THRB: variants seen among roughly 807,000 people sequenced by gnomAD.
The protein encoded by THRB is nuclear receptor subfamily 1 group A member 2.
Under a neutral mutation model 47.8 loss-of-function variants are expected in THRB, and 12 were observed. The ratio of observed to expected loss-of-function variants is 0.25; its 90% CI spans 0.16 to 0.41. The LOEUF is 0.41. THRB is among the 10% of genes least tolerant of loss of function. The pLI, the probability that THRB is intolerant of heterozygous loss-of-function variation, is 1.00. For missense variants in THRB, 348 were observed against 589.2 expected (o/e 0.59, Z 4.24); for synonymous variants, 218 against 212.2 (o/e 1.03, Z -0.24).
At chr3:24,358,584 T>C (rs1390696903) in intron 1 of THRB, among the ~76,000 whole-genome samples, 2 of 152,166 alleles carry the variant, frequency 1.3e-5, no homozygotes, top group Non-Finnish European at 2.9e-5. Flanking sequence ...TTCTCATAAA[T>C]ATTTACACTA....
At chr3:24,190,025 T>C (rs750976834) in intron 5 of THRB, 49 bp downstream of exon 5, 2 of 1,582,320 alleles carry the variant, frequency 1.3e-6, no homozygotes, top group Middle Eastern at 1.7e-4. Flanking sequence ...CAGGGATATT[T>C]TTTTTCTTGT....
chr3:24,481,248 T>TTTTTTGTTTTTTG (rs1696361252), intron 1 of THRB, among the ~76,000 whole-genome samples: 1 of 147,736 alleles, frequency 6.8e-6, no homozygotes, highest in African/African-American at 2.5e-5. Context: ...TTTTTTTTTT[T>TTTTTTGTTTTTTG]TTTTTTTTTA....
chr3:24,159,840 C>A (rs2038503627), intron 5 of THRB, among the ~76,000 whole-genome samples: 1 of 151,678 alleles, frequency 6.6e-6, no homozygotes, highest in South Asian at 2.1e-4. Flanking sequence ...ACAGGACAAC[C>A]ATCACAACAA....
chr3:24,438,534 T>C (rs1252311383), intron 1 of THRB, among the ~76,000 whole-genome samples: 1 of 151,482 alleles, frequency 6.6e-6, no homozygotes, highest in Non-Finnish European at 1.5e-5. Context: ...TGTGTGTGTG[T>C]GTGCACATGC....
At chr3:24,299,654 T>C (rs914154308) in intron 2 of THRB, among the ~76,000 whole-genome samples, 2 of 151,980 alleles carry the variant, frequency 1.3e-5, no homozygotes, top group African/African-American at 4.8e-5. Flanking sequence ...TCTTTTTTTT[T>C]CCTATTTGTT....
intron 6 of THRB, among the ~76,000 whole-genome samples, chr3:24,149,669 TG>T (rs1374846852): frequency 6.6e-6 from 1 of 151,570 alleles, no homozygotes; most frequent in Non-Finnish European, 1.5e-5. Context: ...TTCTTTTTTT[TG>T]TTTTTTCTTG....
chr3:24,326,494 C>G (rs1005190053), intron 2 of THRB, among the ~76,000 whole-genome samples: 1 of 152,116 alleles, frequency 6.6e-6, no homozygotes, highest in African/African-American at 2.4e-5. Context: ...CCTCGGCCTC[C>G]CAAAGTGCTG....
At chr3:24,373,011 T>C (rs549786847) in intron 1 of THRB, among the ~76,000 whole-genome samples, 2 of 152,112 alleles carry the variant, frequency 1.3e-5, no homozygotes, top group South Asian at 2.1e-4. Context: ...CCTAGCAACA[T>C]AGAAAGAGAT....
At chr3:24,201,197 T>C (rs995077634) in intron 4 of THRB, among the ~76,000 whole-genome samples, 10 of 152,192 alleles carry the variant, frequency 6.6e-5, no homozygotes, top group African/African-American at 2.4e-4. Context: ...ATCTTCCTGT[T>C]ATTTTTCCCC....
chr3:24,233,541 AAG>A (rs1417950839), intron 3 of THRB, among the ~76,000 whole-genome samples: 1 of 112,682 alleles, frequency 8.9e-6, no homozygotes, highest in African/African-American at 3.5e-5. Context: ...AAAAGAAAGA[AAG>A]AGAAAGAAAG....
At chr3:24,456,180 TAA>T (rs1160677740) in intron 1 of THRB, among the ~76,000 whole-genome samples, 1 of 151,768 alleles carries the variant, frequency 6.6e-6, no homozygotes. Flanking sequence ...AAAAATTTTT[TAA>T]AAATTAACTG....
intron 1 of THRB, among the ~76,000 whole-genome samples, chr3:24,376,469 G>C (rs6774046): frequency 0.1 from 15,776 of 152,128 alleles, 874 homozygotes; most frequent in Middle Eastern, 0.17. Context: ...ACATGTATAG[G>C]GGGTTTCTTG....
At chr3:24,457,279 G>A (rs913411578) in intron 1 of THRB, among the ~76,000 whole-genome samples, 4 of 152,086 alleles carry the variant, frequency 2.6e-5, no homozygotes, top group African/African-American at 9.7e-5. Flanking sequence ...TGGCCAGGCT[G>A]GCTAAATTCT....
chr3:24,190,142 T>C lies in THRB; in HGVS notation c.215A>G (p.His72Arg), dbSNP rs759685876. 1.2e-5 allele frequency: 20 copies of C among 1,614,106 alleles called. No homozygotes were observed. The highest frequency in any genetic ancestry group is 1.1e-4 in the South Asian group (10 of 91,080). ...GACACTCTGGTCGTTCACATCATCA[T>C]GGTCCAGATGGAATATTGAGCTAGT... ...TWTSSIFHLD[H>R]DDVNDQSVSS... Residue 72 changes from histidine to arginine, a missense_variant, in exon 5 of 11, where the codon CAT becomes CGT. Coordinates refer to ENST00000646209, the MANE Select transcript of THRB (RefSeq NM_001354712.2).
intron 3 of THRB, among the ~76,000 whole-genome samples, chr3:24,288,406 TG>T (rs1277705334): frequency 6.6e-6 from 1 of 152,244 alleles, no homozygotes; most frequent in Non-Finnish European, 1.5e-5. Context: ...CTGAGAGTTG[TG>T]CTTGGACACA....
intron 1 of THRB, among the ~76,000 whole-genome samples, chr3:24,437,039 T>A (rs1029062580): frequency 2.6e-5 from 4 of 151,130 alleles, no homozygotes; most frequent in Admixed American, 6.6e-5. Context: ...CTGGCACTTT[T>A]CTCCATTATC....
At chr3:24,211,351 A>C (rs1281704181) in intron 4 of THRB, among the ~76,000 whole-genome samples, 1 of 152,206 alleles carries the variant, frequency 6.6e-6, no homozygotes, top group East Asian at 1.9e-4. Context: ...TATTGATCAC[A>C]ATTGCTTTCC....
chr3:24,218,881 T>A (rs892354061), intron 4 of THRB, among the ~76,000 whole-genome samples: 1 of 152,164 alleles, frequency 6.6e-6, no homozygotes, highest in Non-Finnish European at 1.5e-5. Context: ...TCTCATTTAT[T>A]TAAAAAAATT....
chr3:24,123,122 C>T lies in THRB; in HGVS notation c.1148G>A (p.Arg383His), dbSNP rs121918708. Reference sequence around the variant, plus strand: ...TCTCTCAACACAGGCAAGCCCCGGGCGATCTGCGGGGAAGAGAGAAGATGG... The same window carrying T: ...TCTCTCAACACAGGCAAGCCCCGGGTGATCTGCGGGGAAGAGAGAAGATGG... Reference protein sequence around the residue: ...LQAVLLMSSDRPGLACVERIE... With the variant: ...LQAVLLMSSDHPGLACVERIE... Residue 383 changes from arginine (R) to histidine (H), a missense_variant, in exon 11 of 11, where the codon CGC becomes CAC. By Grantham distance (29) the Arg-to-His change is conservative. Transcript: ENST00000646209. 6.2e-7 allele frequency: 1 copy of T among 1,613,846 alleles called. No homozygotes were observed. Among genetic ancestry groups the T allele is most frequent in the Non-Finnish European group, 8.5e-7 (1 of 1,180,024 alleles).
Sources: gnomAD v4.1 joint callset for allele counts (sites outside exome capture counted in the v4.1 genomes callset) on GRCh38, gnomAD v4.1.1 for gene constraint, MANE v1.5 for transcripts, NCBI Gene and HGNC (gene_info 2026-07-23, HGNC 2026-07-21) for gene names.